The following CEP112 variants were observed in gnomAD, a reference collection of about 807,000 sequenced individuals.
CEP112 encodes the protein centrosomal protein of 112 kDa.
A neutral mutation model predicts 153.0 loss-of-function variants in CEP112; 127 were observed. The observed-to-expected ratio is 0.83, with a 90% CI of 0.72 to 0.96. CEP112 has a LOEUF of 0.96. Among genes scored for constraint, CEP112 ranks in the 40% least tolerant of loss-of-function variants. The pLI is 0.00. For missense variants in CEP112, 1,089 were observed against 1,101.2 expected (o/e 0.99, Z 0.16); for synonymous variants, 358 against 374.4 (o/e 0.96, Z 0.51).
intron 23 of CEP112, among the ~76,000 whole-genome samples, chr17:65,731,278 C>A (rs938553389): frequency 6.6e-6 from 1 of 152,154 alleles, no homozygotes; most frequent in African/African-American, 2.4e-5. Flanking sequence ...TAAAGAGAGT[C>A]TCGCATATTT....
At chr17:66,120,566 T>A (rs1263703182) in intron 6 of CEP112, among the ~76,000 whole-genome samples, 5 of 152,194 alleles carry the variant, frequency 3.3e-5, no homozygotes, top group Non-Finnish European at 5.9e-5. Flanking sequence ...AGGTTATCTA[T>A]TTCATCTTAA....
chr17:65,954,665 A>C (rs541546552), intron 18 of CEP112, among the ~76,000 whole-genome samples: 1 of 152,216 alleles, frequency 6.6e-6, no homozygotes, highest in South Asian at 2.1e-4. Context: ...CATATATAAA[A>C]AACAATCATA....
intron 12 of CEP112, among the ~76,000 whole-genome samples, chr17:66,044,601 T>C (rs2066122592): frequency 6.6e-6 from 1 of 152,174 alleles, no homozygotes; most frequent in African/African-American, 2.4e-5. Context: ...CGAAGTGAAA[T>C]ACGCCAGTCA....
At chr17:66,185,249 C>G (rs1446371104) in intron 1 of CEP112, among the ~76,000 whole-genome samples, 1 of 152,196 alleles carries the variant, frequency 6.6e-6, no homozygotes, top group Non-Finnish European at 1.5e-5. Context: ...GAGACAGAGT[C>G]TTGCTCTGTT....
intron 17 of CEP112, among the ~76,000 whole-genome samples, chr17:65,971,314 A>G (rs1241888803): frequency 6.6e-6 from 1 of 152,244 alleles, no homozygotes; most frequent in East Asian, 1.9e-4. Flanking sequence ...CATGTGTTTT[A>G]CAAGTCTTAA....
chr17:66,077,578 C>T lies in CEP112; in HGVS notation c.769-7577G>A, dbSNP rs192144841. 3.9e-5 allele frequency among the ~76,000 whole-genome samples: 6 copies of T among 152,258 alleles called. 1 individual carries two copies. Among genetic ancestry groups the T allele is most frequent in the Admixed American group, 3.3e-4 (5 of 15,290 alleles). On this transcript the variant is annotated intron_variant, in intron 8 of 26. Coordinates refer to ENST00000535342, the MANE Select transcript of CEP112 (RefSeq NM_001199165.4). ...CCTGGGATTATGTGAAACAACCAAACCTAAGAACAATCGGTATTCCTGAGG... is the reference window on the plus strand; with the variant it reads ...CCTGGGATTATGTGAAACAACCAAATCTAAGAACAATCGGTATTCCTGAGG...
At chr17:66,020,538 G>C (rs1454066234) in intron 16 of CEP112, among the ~76,000 whole-genome samples, 2 of 152,120 alleles carry the variant, frequency 1.3e-5, no homozygotes, top group African/African-American at 2.4e-5. Context: ...TGACTATATG[G>C]ATAAACAAGA....
chr17:66,106,870 T>C (rs942426159), intron 6 of CEP112, among the ~76,000 whole-genome samples: 2 of 152,022 alleles, frequency 1.3e-5, no homozygotes, highest in African/African-American at 2.4e-5. Context: ...ATATGACTGA[T>C]GAACATTGAT....
At chr17:66,187,168 C>A (rs1598524570) in intron 1 of CEP112, among the ~76,000 whole-genome samples, 1 of 141,626 alleles carries the variant, frequency 7.1e-6, no homozygotes, top group Non-Finnish European at 1.6e-5. Flanking sequence ...ACTGTGGCAG[C>A]CTCATCATCT....
intron 4 of CEP112, among the ~76,000 whole-genome samples, chr17:66,143,195 T>A (rs1475199183): frequency 1.3e-5 from 2 of 152,204 alleles, no homozygotes; most frequent in East Asian, 1.9e-4. Context: ...GGTCCAGAGA[T>A]ATATTCATAT....
chr17:65,902,340 T>C lies in CEP112; in HGVS notation c.1981-6A>G. 6.2e-7 allele frequency: 1 copy of C among 1,611,016 alleles called. No individual in the cohort carries two copies. The highest frequency in any genetic ancestry group is 2.2e-5 in the East Asian group (1 of 44,816). On this transcript the variant is annotated splice_polypyrimidine_tract_variant and splice_region_variant and intron_variant, in intron 19 of 26. Transcript: ENST00000535342. Reference sequence around the variant, plus strand: ...TCCAGCTTCAGCTCTACTATCTGATTGGACAATGAGGAGGACAGTTCATCA... The same window carrying C: ...TCCAGCTTCAGCTCTACTATCTGATCGGACAATGAGGAGGACAGTTCATCA...
At chr17:65,934,658 T>C (rs557276683) in intron 18 of CEP112, among the ~76,000 whole-genome samples, 103 of 152,336 alleles carry the variant, frequency 6.8e-4, no homozygotes, top group Non-Finnish European at 1.2e-3. Flanking sequence ...GTCATGTTTA[T>C]GGACACAAAT....
At chr17:65,951,712 C>A (rs35668282) in intron 18 of CEP112, among the ~76,000 whole-genome samples, 57,726 of 144,438 alleles carry the variant, frequency 0.4, 12,959 homozygotes, top group East Asian at 0.86. Flanking sequence ...TTATGTATTT[C>A]AATCTTAGCT....
intron 6 of CEP112, among the ~76,000 whole-genome samples, chr17:66,105,773 A>T (rs2068758361): frequency 6.6e-6 from 1 of 152,152 alleles, no homozygotes; most frequent in African/African-American, 2.4e-5. Context: ...AGCCTGGGTA[A>T]CAGAGCCAGA....
intron 8 of CEP112, among the ~76,000 whole-genome samples, chr17:66,085,422 G>A (rs369551748): frequency 6.6e-5 from 10 of 152,190 alleles, no homozygotes; most frequent in South Asian, 4.1e-4. Context: ...AAATGCAAAT[G>A]TGCCATCCTG....
intron 24 of CEP112, among the ~76,000 whole-genome samples, chr17:65,665,450 C>G (rs1217182282): frequency 1.3e-5 from 2 of 152,206 alleles, no homozygotes; most frequent in Non-Finnish European, 2.9e-5. Flanking sequence ...TGCTCTAGGT[C>G]TCTGCTAGAA....
chr17:65,926,117 C>G (rs1034292156), intron 19 of CEP112, among the ~76,000 whole-genome samples: 3 of 152,114 alleles, frequency 2.0e-5, no homozygotes, highest in Non-Finnish European at 4.4e-5. Context: ...CCGGTCCTAA[C>G]CTCCCTCTTT....
intron 21 of CEP112, among the ~76,000 whole-genome samples, chr17:65,842,756 A>G (rs567199177): frequency 2.8e-4 from 43 of 152,272 alleles, no homozygotes; most frequent in Non-Finnish European, 4.7e-4. Context: ...GGGTCTAAGG[A>G]ACATCAATTT....
intron 20 of CEP112, among the ~76,000 whole-genome samples, chr17:65,892,623 C>T (rs1167037754): frequency 6.6e-6 from 1 of 151,944 alleles, no homozygotes; most frequent in Non-Finnish European, 1.5e-5. Context: ...TATGTACAGT[C>T]CGGGCTTTAA....
Sources: gnomAD v4.1 joint callset for allele counts (sites outside exome capture counted in the v4.1 genomes callset) on GRCh38, gnomAD v4.1.1 for gene constraint, MANE v1.5 for transcripts, NCBI Gene and HGNC (gene_info 2026-07-23, HGNC 2026-07-21) for gene names.